GRM7: variants seen among roughly 807,000 people sequenced by gnomAD.
GRM7 encodes metabotropic glutamate receptor 7.
Under a neutral mutation model 84.5 loss-of-function variants are expected in GRM7, and 35 were observed. The ratio of observed to expected loss-of-function variants is 0.41; its 90% CI spans 0.32 to 0.55. GRM7 has a LOEUF of 0.55. Ranked by LOEUF, GRM7 falls within the 20% of genes least tolerant of loss-of-function variation. The probability of loss-of-function intolerance (pLI) is 0.19; values close to 1 mark genes in which losing one functional copy is unlikely to be tolerated. For synonymous variants in GRM7, 487 were observed against 455.1 expected, an observed-to-expected ratio of 1.07 and a Z score of -0.89; for missense variants, 1,003 against 1,194.6, an observed-to-expected ratio of 0.84 and a Z score of 2.36.
At chr3:7,017,007 G>C (rs1190295425) in intron 1 of GRM7, among the ~76,000 whole-genome samples, 1 of 152,134 alleles carries the variant, frequency 6.6e-6, no homozygotes, top group Non-Finnish European at 1.5e-5. Context: ...CGCACTCCAG[G>C]CCTCTTGAAG....
At chr3:6,988,646 T>C (rs1694517773) in intron 1 of GRM7, among the ~76,000 whole-genome samples, 2 of 152,230 alleles carry the variant, frequency 1.3e-5, no homozygotes, top group Non-Finnish European at 2.9e-5. Context: ...TTTCACATCA[T>C]TGTTTTCTCT....
intron 7 of GRM7, among the ~76,000 whole-genome samples, chr3:7,528,603 C>G (rs1017547400): frequency 2.3e-4 from 35 of 152,036 alleles, no homozygotes; most frequent in Non-Finnish European, 2.2e-4. Flanking sequence ...CCTTTAGATG[C>G]AAGGCTAAAT....
At chr3:7,161,863 C>T (rs1180036403) in intron 2 of GRM7, among the ~76,000 whole-genome samples, 1 of 152,076 alleles carries the variant, frequency 6.6e-6, no homozygotes, top group Admixed American at 6.6e-5. Flanking sequence ...CCAATAAAAA[C>T]GATGTCCTTT....
At chr3:7,070,544 AT>A (rs1223119577) in intron 1 of GRM7, among the ~76,000 whole-genome samples, 1 of 152,104 alleles carries the variant, frequency 6.6e-6, no homozygotes, top group Non-Finnish European at 1.5e-5. Flanking sequence ...ATTAGACACT[AT>A]TGTTCACGTA....
chr3:7,158,509 G>A (rs1399423251), intron 2 of GRM7, among the ~76,000 whole-genome samples: 1 of 151,994 alleles, frequency 6.6e-6, no homozygotes, highest in Admixed American at 6.6e-5. Flanking sequence ...ACTCCATGTA[G>A]TGTTCCTGCC....
intron 5 of GRM7, among the ~76,000 whole-genome samples, chr3:7,446,989 A>C (rs1697543783): frequency 7.8e-6 from 1 of 128,314 alleles, no homozygotes; most frequent in African/African-American, 2.5e-5. Flanking sequence ...GTGTAATGCA[A>C]CTGACAATTT....
intron 1 of GRM7, among the ~76,000 whole-genome samples, chr3:6,864,406 C>T (rs1694872307): frequency 6.6e-6 from 1 of 152,150 alleles, no homozygotes; most frequent in Admixed American, 6.5e-5. Context: ...TCATGTAATT[C>T]CAGTCCCCAG....
intron 4 of GRM7, among the ~76,000 whole-genome samples, chr3:7,376,461 G>C: frequency 6.6e-6 from 1 of 152,142 alleles, no homozygotes; most frequent in East Asian, 1.9e-4. Context: ...GACCTGCTCC[G>C]TAGAGACTAC....
intron 5 of GRM7, among the ~76,000 whole-genome samples, chr3:7,441,659 A>G (rs1411689892): frequency 6.6e-6 from 1 of 152,150 alleles, no homozygotes; most frequent in African/African-American, 2.4e-5. Flanking sequence ...ATTTTTGTAT[A>G]TGGTGTAAGG....
At chr3:6,897,484 C>A (rs1386277122) in intron 1 of GRM7, among the ~76,000 whole-genome samples, 1 of 152,178 alleles carries the variant, frequency 6.6e-6, no homozygotes, top group East Asian at 1.9e-4. Flanking sequence ...TCCACTCAGC[C>A]ATTAGAGTGA....
intron 1 of GRM7, among the ~76,000 whole-genome samples, chr3:6,941,360 A>ACAT (rs1309538227): frequency 6.6e-6 from 1 of 152,194 alleles, no homozygotes; most frequent in East Asian, 1.9e-4. Context: ...GGAGCTGAAA[A>ACAT]CATTGACTTT....
chr3:7,652,137 G>C (rs1339134658), intron 8 of GRM7, among the ~76,000 whole-genome samples: 1 of 152,170 alleles, frequency 6.6e-6, no homozygotes, highest in Non-Finnish European at 1.5e-5. Context: ...GTTCTGAATA[G>C]TATACAGATA....
intron 7 of GRM7, among the ~76,000 whole-genome samples, chr3:7,544,349 T>C (rs182856380): frequency 1.8e-4 from 27 of 152,236 alleles, no homozygotes; most frequent in Non-Finnish European, 3.8e-4. Context: ...TCTTGAGAGA[T>C]GAGGTCTTGC....
chr3:7,328,426 C>A (rs190359890), intron 4 of GRM7, among the ~76,000 whole-genome samples: 16 of 152,302 alleles, frequency 1.1e-4, no homozygotes, highest in Admixed American at 9.8e-4. Flanking sequence ...TTCCCTGCTG[C>A]TTTGAGATGG....
intron 1 of GRM7, among the ~76,000 whole-genome samples, chr3:6,993,809 T>C (rs1694734920): frequency 1.3e-5 from 2 of 152,094 alleles, no homozygotes; most frequent in South Asian, 2.1e-4. Context: ...GATGTAAAAA[T>C]AAGGGCTTTA....
intron 8 of GRM7, among the ~76,000 whole-genome samples, chr3:7,666,450 T>C (rs1261235129): frequency 1.3e-5 from 2 of 152,186 alleles, no homozygotes; most frequent in African/African-American, 4.8e-5. Flanking sequence ...GACCACATAA[T>C]CTGCTTTGCA....
intron 1 of GRM7, among the ~76,000 whole-genome samples, chr3:6,977,175 G>A (rs1694031489): frequency 6.6e-6 from 1 of 152,128 alleles, no homozygotes; most frequent in Non-Finnish European, 1.5e-5. Context: ...AGGAGGACTG[G>A]GGGTTAGTTG....
chr3:7,308,253 T>C (rs1221445654), intron 4 of GRM7, among the ~76,000 whole-genome samples: 1 of 82,014 alleles, frequency 1.2e-5, no homozygotes, highest in African/African-American at 1.1e-4. Flanking sequence ...CTATTTATTT[T>C]GGGGGTCTCA....
chr3:6,902,797 G>A (rs1212629021), intron 1 of GRM7, among the ~76,000 whole-genome samples: 2 of 150,768 alleles, frequency 1.3e-5, no homozygotes, highest in African/African-American at 2.4e-5. Context: ...AGTGTAGTAA[G>A]GTATAGTATG....
Sources: allele counts gnomAD v4.1 joint callset (sites outside exome capture counted in the v4.1 genomes callset), GRCh38; gene constraint gnomAD v4.1.1; transcripts MANE v1.5; gene names NCBI Gene and HGNC (gene_info 2026-07-23, HGNC 2026-07-21).